Variants in PEX5L observed in about 807,000 individuals in gnomAD.
The protein encoded by PEX5L is PEX5-related protein.
Under a neutral mutation model 84.0 loss-of-function variants are expected in PEX5L, and 30 were observed. That is an observed-to-expected ratio of 0.36 (90% CI 0.27 to 0.48). The LOEUF (loss-of-function observed/expected upper bound fraction) is 0.48. Ranked by LOEUF, PEX5L falls within the 20% of genes least tolerant of loss-of-function variation. PEX5L has a pLI of 0.99. For missense variants in PEX5L, 533 were observed against 754.6 expected, an observed-to-expected ratio of 0.71 and a Z score of 3.44; for synonymous variants, 270 against 283.1, an observed-to-expected ratio of 0.95 and a Z score of 0.46.
intron 1 of PEX5L, among the ~76,000 whole-genome samples, chr3:179,991,313 C>A (rs1181885068): frequency 6.6e-6 from 1 of 152,184 alleles, no homozygotes; most frequent in Non-Finnish European, 1.5e-5. Context: ...TCAGGTTTTA[C>A]AAGCATAGTC....
intron 1 of PEX5L, among the ~76,000 whole-genome samples, chr3:180,026,619 A>G (rs1252323511): frequency 6.6e-6 from 1 of 152,216 alleles, no homozygotes; most frequent in Non-Finnish European, 1.5e-5. Flanking sequence ...TAGAGGAACC[A>G]TTCTGCTCTT....
chr3:179,976,724 C>T (rs1469936397), intron 1 of PEX5L, among the ~76,000 whole-genome samples: 1 of 152,146 alleles, frequency 6.6e-6, no homozygotes, highest in Non-Finnish European at 1.5e-5. Flanking sequence ...AGGTGTGAAC[C>T]ACTGCATCCA....
At chr3:179,858,716 C>CGTG (rs1320731128) in intron 8 of PEX5L, among the ~76,000 whole-genome samples, 1 of 152,172 alleles carries the variant, frequency 6.6e-6, no homozygotes, top group Non-Finnish European at 1.5e-5. Flanking sequence ...GAACCTTGGC[C>CGTG]TCACAGACAC....
At chr3:179,929,313 C>G (rs752384334) in intron 2 of PEX5L, among the ~76,000 whole-genome samples, 2 of 152,078 alleles carry the variant, frequency 1.3e-5, no homozygotes, top group South Asian at 4.1e-4. Context: ...TGGAAAAATC[C>G]TCAAAGTACT....
At chr3:179,984,343 C>A (rs1786605951) in intron 1 of PEX5L, among the ~76,000 whole-genome samples, 1 of 152,068 alleles carries the variant, frequency 6.6e-6, no homozygotes, top group African/African-American at 2.4e-5. Context: ...TGTCATACAT[C>A]TCACTAAAAT....
At chr3:179,910,531 A>G (rs1429406946) in intron 2 of PEX5L, among the ~76,000 whole-genome samples, 1 of 152,236 alleles carries the variant, frequency 6.6e-6, no homozygotes, top group Non-Finnish European at 1.5e-5. Flanking sequence ...ACAAATTAAA[A>G]AAAGAACATT....
At chr3:179,868,788 ACG>A (rs1749271657) in intron 7 of PEX5L, among the ~76,000 whole-genome samples, 1 of 151,900 alleles carries the variant, frequency 6.6e-6, no homozygotes, top group South Asian at 2.1e-4. Flanking sequence ...CCCTCCCATA[ACG>A]CATCCTGCAA....
intron 9 of PEX5L, among the ~76,000 whole-genome samples, chr3:179,817,581 T>C (rs1263048272): frequency 6.6e-6 from 1 of 152,218 alleles, no homozygotes; most frequent in Non-Finnish European, 1.5e-5. Context: ...TGTAGCTAAA[T>C]TGTTTTTGAG....
At chr3:179,906,090 G>A (rs948702646) in intron 2 of PEX5L, among the ~76,000 whole-genome samples, 1 of 152,154 alleles carries the variant, frequency 6.6e-6, no homozygotes, top group African/African-American at 2.4e-5. Flanking sequence ...ATGTTGCCGG[G>A]TAAAGATGCT....
At chr3:180,024,378 ACAC>A (rs1790730868) in intron 1 of PEX5L, among the ~76,000 whole-genome samples, 6 of 133,098 alleles carry the variant, frequency 4.5e-5, no homozygotes, top group African/African-American at 1.8e-4. Context: ...ATATATACAC[ACAC>A]AAAAAAAAAA....
intron 1 of PEX5L, among the ~76,000 whole-genome samples, chr3:179,976,876 A>G (rs561379333): frequency 1.3e-5 from 2 of 152,358 alleles, no homozygotes; most frequent in Admixed American, 6.5e-5. Flanking sequence ...TCATGTTTAT[A>G]ATTCATGAAG....
At chr3:179,803,966 C>T (rs546052039) in intron 14 of PEX5L, 1 of 152,098 alleles carries the variant, frequency 6.6e-6, no homozygotes, top group Non-Finnish European at 1.5e-5. Context: ...TTGAGTAGAC[C>T]TTTTTGCCCC....
rs773285845 is a variant in PEX5L at position 179,819,875 on chromosome 3, G to C, written c.924C>G (p.Ile308Met). 3 of 1,614,048 alleles carry C rather than the reference G, an allele frequency of 1.9e-6. No homozygotes were observed. The highest frequency in any genetic ancestry group is 2.5e-6 in the Non-Finnish European group (3 of 1,179,954). ...AATTGGTTACCTTCTCACTAGCCGA[G>C]ATGGTTACTTGGTTCTGGGCTTCTT... ...ENQEAQNQVT[I>M]SASEKGYYFH... The change falls in exon 9 of 15, where the codon ATC becomes ATG. Residue 308 changes from isoleucine to methionine, a missense_variant. By Grantham distance (10) the Ile-to-Met change is conservative. Around this residue, in one of 8 missense-constraint regions of PEX5L, gnomAD observed 58 missense variants for 56.4 expected, o/e 1.03. Coordinates refer to ENST00000467460, the MANE Select transcript of PEX5L (RefSeq NM_016559.3).
intron 10 of PEX5L, among the ~76,000 whole-genome samples, chr3:179,814,794 C>T (rs1331595460): frequency 6.6e-6 from 1 of 152,090 alleles, no homozygotes; most frequent in Non-Finnish European, 1.5e-5. Context: ...TGAGTACAGG[C>T]CCCTAGTGGT....
At chr3:179,963,756 C>T (rs1466760466) in intron 2 of PEX5L, among the ~76,000 whole-genome samples, 2 of 152,128 alleles carry the variant, frequency 1.3e-5, no homozygotes, top group African/African-American at 2.4e-5. Context: ...GAAGCTGATA[C>T]GTGCTGCCAC....
At chr3:179,980,652 T>C (rs1786239819) in intron 1 of PEX5L, among the ~76,000 whole-genome samples, 1 of 152,206 alleles carries the variant, frequency 6.6e-6, no homozygotes, top group Admixed American at 6.5e-5. Flanking sequence ...AATTCTATAC[T>C]CTTCTGAGCT....
intron 1 of PEX5L, among the ~76,000 whole-genome samples, chr3:179,989,537 G>C (rs971843605): frequency 3.9e-5 from 6 of 152,080 alleles, no homozygotes; most frequent in African/African-American, 1.2e-4. Context: ...GCTATGTTAT[G>C]AGATGCTTAA....
chr3:179,940,048 TA>T (rs1775644396), intron 2 of PEX5L, among the ~76,000 whole-genome samples: 1 of 152,308 alleles, frequency 6.6e-6, no homozygotes, highest in Admixed American at 6.5e-5. Flanking sequence ...AATTTTAATT[TA>T]TTTTTTTACC....
At chr3:179,999,586 C>A (rs1178276234) in intron 1 of PEX5L, among the ~76,000 whole-genome samples, 1 of 152,202 alleles carries the variant, frequency 6.6e-6, no homozygotes, top group East Asian at 1.9e-4. Flanking sequence ...TGTATTGGAC[C>A]TCTTCCATCA....
Sources: gnomAD v4.1 joint callset for allele counts (sites outside exome capture counted in the v4.1 genomes callset) on GRCh38, gnomAD v4.1.1 for gene constraint, gnomAD v4.1.1 regional missense constraint, MANE v1.5 for transcripts, NCBI Gene and HGNC (gene_info 2026-07-23, HGNC 2026-07-21) for gene names.